Variants in KLHL29 observed in about 807,000 individuals in gnomAD.
KLHL29 encodes the protein kelch-like protein 29.
A neutral mutation model predicts 80.4 loss-of-function variants in KLHL29; 21 were observed. The ratio of observed to expected loss-of-function variants is 0.26; its 90% CI spans 0.19 to 0.38. KLHL29 has a LOEUF of 0.38. Ranked by LOEUF, KLHL29 falls within the 10% of genes least tolerant of loss-of-function variation. The pLI is 1.00. For missense variants in KLHL29, 867 were observed against 1,223.9 expected, an observed-to-expected ratio of 0.71 and a Z score of 4.35; for synonymous variants, 511 against 526.8, an observed-to-expected ratio of 0.97 and a Z score of 0.41.
chr2:23,431,205 A>G lies in KLHL29; in HGVS notation c.-153-44355A>G, dbSNP rs562700908. Among the ~76,000 whole-genome samples, 60 of 152,156 alleles carry G rather than the reference A, an allele frequency of 3.9e-4. No homozygotes were observed. In the South Asian group the frequency reaches 8.7e-3, roughly 22 times the overall value. On this transcript the variant is annotated intron_variant, in intron 1 of 13. Coordinates refer to ENST00000486442, the MANE Select transcript of KLHL29 (RefSeq NM_052920.2). ...GTCCATGGCACCAACAGGTCTTCCTACTCTCCCGAGGCTGGAGCTGAGTTT... is the reference window on the plus strand; with the variant it reads ...GTCCATGGCACCAACAGGTCTTCCTGCTCTCCCGAGGCTGGAGCTGAGTTT...
At chr2:23,518,990 GCTGCT>G (rs1666019626) in intron 2 of KLHL29, among the ~76,000 whole-genome samples, 1 of 152,016 alleles carries the variant, frequency 6.6e-6, no homozygotes, top group Non-Finnish European at 1.5e-5. Flanking sequence ...AGGGAAAGAG[GCTGCT>G]CTGTGGGCCT....
At chr2:23,663,872 A>G (rs1445596899) in intron 5 of KLHL29, among the ~76,000 whole-genome samples, 1 of 152,214 alleles carries the variant, frequency 6.6e-6, no homozygotes, top group African/African-American at 2.4e-5. Flanking sequence ...AAACGGACAC[A>G]TCGCTTGTCG....
chr2:23,527,981 C>G (rs1169894405), intron 2 of KLHL29, among the ~76,000 whole-genome samples: 1 of 152,190 alleles, frequency 6.6e-6, no homozygotes, highest in African/African-American at 2.4e-5. Flanking sequence ...GGACCTGCCT[C>G]TAAAATGGGA....
At chr2:23,524,358 A>AATGATAC in intron 2 of KLHL29, 1 of 189,006 alleles carries the variant, frequency 5.3e-6, no homozygotes, top group South Asian at 1.0e-4. Context: ...AGGAAGTAGC[A>AATGATAC]GGCCAGGAAA....
chr2:23,675,914 G>C (rs1332840778), intron 5 of KLHL29, among the ~76,000 whole-genome samples: 4 of 152,156 alleles, frequency 2.6e-5, no homozygotes, highest in Non-Finnish European at 5.9e-5. Context: ...CCCCTAGCAC[G>C]CATCTGCATG....
intron 1 of KLHL29, among the ~76,000 whole-genome samples, chr2:23,461,020 G>C (rs1214215826): frequency 6.6e-6 from 1 of 152,230 alleles, no homozygotes; most frequent in African/African-American, 2.4e-5. Flanking sequence ...GATTTCAAAT[G>C]AGAGGAAACC....
chr2:23,404,100 G>A (rs2103390617), intron 1 of KLHL29, among the ~76,000 whole-genome samples: 1 of 152,292 alleles, frequency 6.6e-6, no homozygotes, highest in South Asian at 2.1e-4. Flanking sequence ...TTAAAATGAG[G>A]AAGAAACTTT....
At chr2:23,532,834 A>T (rs1666539114) in intron 2 of KLHL29, among the ~76,000 whole-genome samples, 1 of 152,110 alleles carries the variant, frequency 6.6e-6, no homozygotes, top group Non-Finnish European at 1.5e-5. Flanking sequence ...TAAGGGGAGG[A>T]TTGGCCCGGC....
At chr2:23,485,010 C>G (rs1664890952) in intron 2 of KLHL29, among the ~76,000 whole-genome samples, 1 of 152,226 alleles carries the variant, frequency 6.6e-6, no homozygotes, top group African/African-American at 2.4e-5. Context: ...TGCCATTTCT[C>G]TCCCTGGCAC....
intron 1 of KLHL29, among the ~76,000 whole-genome samples, chr2:23,404,622 TGA>T (rs1451842737): frequency 1.3e-5 from 2 of 152,304 alleles, no homozygotes; most frequent in East Asian, 3.9e-4. Flanking sequence ...AAAGGGAAGC[TGA>T]GAGGCCTGGG....
At chr2:23,657,251 G>A (rs1670272684) in intron 5 of KLHL29, among the ~76,000 whole-genome samples, 1 of 152,156 alleles carries the variant, frequency 6.6e-6, no homozygotes. Flanking sequence ...CCCAACCCGG[G>A]CACATGCATT....
At chr2:23,388,805 T>A (rs1485632956) in intron 1 of KLHL29, among the ~76,000 whole-genome samples, 2 of 152,006 alleles carry the variant, frequency 1.3e-5, no homozygotes, top group Non-Finnish European at 2.9e-5. Flanking sequence ...ACTAATGTCA[T>A]TTTTTGGCAT....
chr2:23,629,210 T>C (rs1226210111), intron 3 of KLHL29, among the ~76,000 whole-genome samples: 1 of 151,902 alleles, frequency 6.6e-6, no homozygotes, highest in Non-Finnish European at 1.5e-5. Flanking sequence ...TCCACGTCCC[T>C]GTCTGTCCGT....
chr2:23,503,550 G>A lies in KLHL29; in HGVS notation c.-46+27883G>A, dbSNP rs1665513572. Reference sequence around the variant, plus strand: ...CTGGTTCACGCAGGCTCCTCATAGGGTCCCTGCCGCTACACACCACGAGCC... The same window carrying A: ...CTGGTTCACGCAGGCTCCTCATAGGATCCCTGCCGCTACACACCACGAGCC... On this transcript the variant is annotated intron_variant, in intron 2 of 13. Transcript: ENST00000486442. The surrounding 1 kb of genome is among the most constrained non-coding windows in gnomAD (Gnocchi z 4.0). 6.6e-6 allele frequency among the ~76,000 whole-genome samples: 1 copy of A among 151,974 alleles called. No homozygotes were observed. Among genetic ancestry groups the A allele is most frequent in the Admixed American group, 6.6e-5 (1 of 15,260 alleles).
At chr2:23,439,088 T>G (rs1446689894) in intron 1 of KLHL29, among the ~76,000 whole-genome samples, 7 of 150,248 alleles carry the variant, frequency 4.7e-5, no homozygotes, top group African/African-American at 9.9e-5. Context: ...ATTTTCTAGT[T>G]TATTTGCATA....
chr2:23,461,989 T>TTTTTTTTA (rs1553326615), intron 1 of KLHL29, among the ~76,000 whole-genome samples: 1 of 150,450 alleles, frequency 6.6e-6, no homozygotes, highest in African/African-American at 2.5e-5. Flanking sequence ...TTTTTTTTTT[T>TTTTTTTTA]AATGACAAAA....
At chr2:23,679,431 G>T (rs977134946) in intron 5 of KLHL29, among the ~76,000 whole-genome samples, 3 of 152,206 alleles carry the variant, frequency 2.0e-5, no homozygotes, top group Non-Finnish European at 2.9e-5. Flanking sequence ...GGTCCCTGGA[G>T]AGTGAGTGAA....
At chr2:23,620,325 AT>A (rs1669138981) in intron 3 of KLHL29, among the ~76,000 whole-genome samples, 2 of 152,148 alleles carry the variant, frequency 1.3e-5, no homozygotes. Context: ...ACATGGTCAT[AT>A]TTACATTTTA....
At position 23,531,552 on chromosome 2, in the gene KLHL29, A is replaced by T. The variant is rs150195035; in HGVS notation, c.-45-30600A>T. Among the ~76,000 whole-genome samples the T allele has an allele frequency of 4.1e-4, 63 of 152,296 alleles. No homozygotes were observed. The East Asian group carries it at 9.3e-3, about 22-fold the overall frequency. On this transcript the variant is annotated intron_variant, in intron 2 of 13. Transcript: ENST00000486442. ...TGCAGTCTGCCCTGGGACCAACGGG[A>T]TTTCACTTGCCAGTAATATCTATTC...
Sources: gnomAD v4.1 joint callset for allele counts (sites outside exome capture counted in the v4.1 genomes callset) on GRCh38, gnomAD v4.1.1 for gene constraint, Gnocchi (gnomAD v3.1) non-coding constraint, MANE v1.5 for transcripts, NCBI Gene and HGNC (gene_info 2026-07-23, HGNC 2026-07-21) for gene names.